DRAM2: variants seen among roughly 807,000 people sequenced by gnomAD.
DRAM2 encodes DNA damage-regulated autophagy modulator protein 2.
A neutral mutation model predicts 33.5 loss-of-function variants in DRAM2; 26 were observed. The ratio of observed to expected loss-of-function variants is 0.78; its 90% CI spans 0.57 to 1.08. The LOEUF (loss-of-function observed/expected upper bound fraction) is 1.08. Ranked by LOEUF, DRAM2 falls within the 50% of genes least tolerant of loss-of-function variation. The pLI is 0.00. For synonymous variants in DRAM2, 98 were observed against 109.5 expected (o/e 0.89, Z 0.66); for missense variants, 311 against 318.1 (o/e 0.98, Z 0.17).
chr1:111,123,215 C>A (rs1228721413), intron 6 of DRAM2, among the ~76,000 whole-genome samples: 2 of 152,092 alleles, frequency 1.3e-5, no homozygotes, highest in African/African-American at 2.4e-5. Context: ...TGTTGTTATC[C>A]TTTCATAGTA....
Position 111,120,539 on chromosome 1 carries a change from C to T in DRAM2, c.494G>A (p.Trp165Ter), listed in dbSNP as rs201422368. 302 of 1,609,018 alleles carry T rather than the reference C, an allele frequency of 1.9e-4. No individual in the cohort carries two copies. Among genetic ancestry groups the T allele is most frequent in the Non-Finnish European group, 2.5e-4 (294 of 1,177,644 alleles). Reference sequence around the variant, plus strand: ...ACTGCTAAGTGCACTTACTCCACACCAGATAACCAACAACAGTCTGATCCA... The same window carrying T: ...ACTGCTAAGTGCACTTACTCCACACTAGATAACCAACAACAGTCTGATCCA... The part of the protein sequence containing the change: ...VFWIRLLLVI[W>*]CGVSALSMLT... The change falls in exon 7 of 10, where the codon TGG (tryptophan) becomes TAG (stop). Residue 165 changes from tryptophan (W) to a stop codon, truncating the protein, a stop_gained. Coordinates refer to ENST00000484310, the MANE Select transcript of DRAM2 (RefSeq NM_001349884.2). LOFTEE classifies it high-confidence loss of function.
At chr1:111,118,732 G>A in intron 9 of DRAM2, 73 bp downstream of exon 9, 1 of 1,160,388 alleles carries the variant, frequency 8.6e-7, no homozygotes, top group South Asian at 1.5e-5. Flanking sequence ...CCTATGGAAA[G>A]TTCTCTTAGT....
intron 6 of DRAM2, among the ~76,000 whole-genome samples, chr1:111,121,727 A>C (rs1557885145): frequency 6.6e-6 from 1 of 152,114 alleles, no homozygotes; most frequent in Non-Finnish European, 1.5e-5. Flanking sequence ...CAGCAATAAG[A>C]GAATTTTTTC....
In DRAM2 at chr1:111,124,727, GGCTA is replaced by G. The variant is rs753054333; in HGVS notation, c.339+11_339+14del. On this transcript the variant is annotated intron_variant, in intron 6 of 9. Transcript: ENST00000484310. The stretch of plus-strand genomic sequence containing the variant: ...GTACTTAAGGAAAATACCTATGCTG[GGCTA>G]AAACACAAACCTGGAAGTTTGCCAC... The G allele has an allele frequency of 6.2e-7, 1 of 1,612,520 alleles. No homozygotes were observed. Among genetic ancestry groups the G allele is most frequent in the Non-Finnish European group, 8.5e-7 (1 of 1,179,322 alleles).
chr1:111,124,667 A>G lies in DRAM2; in HGVS notation c.339+75T>C, dbSNP rs1052903624. 6.7e-6 allele frequency: 10 copies of G among 1,487,196 alleles called. No individual in the cohort carries two copies. The South Asian group carries it at 1.3e-4, about 19-fold the overall frequency. 92.1% of individuals were successfully genotyped at this position (1,487,196 alleles called of 1,614,324 possible). A position where few individuals can be genotyped will look rare whatever the true frequency, so the allele number is the denominator to read the frequency against. On this transcript the variant is annotated intron_variant, in intron 6 of 9. Coordinates refer to ENST00000484310, the MANE Select transcript of DRAM2 (RefSeq NM_001349884.2). Reference sequence around the variant, plus strand: ...AGAAATAACAACAGCATGTAACTGAATGCTTCAGGTTTCCCTTTTAATATA... The same window carrying G: ...AGAAATAACAACAGCATGTAACTGAGTGCTTCAGGTTTCCCTTTTAATATA...
intron 4 of DRAM2, among the ~76,000 whole-genome samples, chr1:111,130,339 G>A (rs1651798400): frequency 6.6e-6 from 1 of 152,184 alleles, no homozygotes; most frequent in East Asian, 1.9e-4. Flanking sequence ...TCTCAAATGA[G>A]GATCATAGTT....
At chr1:111,134,094 C>T (rs987096112) in intron 3 of DRAM2, among the ~76,000 whole-genome samples, 1 of 152,186 alleles carries the variant, frequency 6.6e-6, no homozygotes. Flanking sequence ...CCTAAATACA[C>T]TCATACCCCA....
intron 9 of DRAM2, 57 bp downstream of exon 9, chr1:111,118,748 T>C (rs1447118985): frequency 1.5e-6 from 2 of 1,373,852 alleles, no homozygotes; most frequent in African/African-American, 2.9e-5. Flanking sequence ...TTAGTCTACC[T>C]TCCTGGACTA....
At chr1:111,138,644 C>T (rs1198778146) in intron 2 of DRAM2, among the ~76,000 whole-genome samples, 2 of 152,052 alleles carry the variant, frequency 1.3e-5, no homozygotes, top group Non-Finnish European at 2.9e-5. Flanking sequence ...ATTAGCTGGG[C>T]GTGGTGGCGG....
At chr1:111,138,129 G>A (rs1653634710) in intron 2 of DRAM2, among the ~76,000 whole-genome samples, 1 of 152,222 alleles carries the variant, frequency 6.6e-6, no homozygotes, top group African/African-American at 2.4e-5. Context: ...TATTAATTAT[G>A]TAGTCATAAG....
intron 6 of DRAM2, among the ~76,000 whole-genome samples, chr1:111,123,586 C>T (rs1035917508): frequency 6.6e-6 from 1 of 152,184 alleles, no homozygotes; most frequent in Non-Finnish European, 1.5e-5. Flanking sequence ...GGCCTGCCTT[C>T]ACCAAGAATC....
At chr1:111,123,286 T>C (rs1650377843) in intron 6 of DRAM2, among the ~76,000 whole-genome samples, 1 of 152,156 alleles carries the variant, frequency 6.6e-6, no homozygotes, top group Non-Finnish European at 1.5e-5. Flanking sequence ...GTCCATTTTT[T>C]CTGACCTGTG....
intron 3 of DRAM2, among the ~76,000 whole-genome samples, chr1:111,133,772 T>C (rs931579239): frequency 1.3e-5 from 2 of 152,238 alleles, no homozygotes; most frequent in Non-Finnish European, 2.9e-5. Context: ...ATATTTCTTA[T>C]AGATCTTCAA....
intron 6 of DRAM2, among the ~76,000 whole-genome samples, chr1:111,123,794 TAA>T (rs1650480092): frequency 6.6e-6 from 1 of 151,984 alleles, no homozygotes; most frequent in East Asian, 1.9e-4. Flanking sequence ...AGCTGGTTGT[TAA>T]AAAGAGACTG....
chr1:111,132,291 A>G (rs942207279), intron 3 of DRAM2, among the ~76,000 whole-genome samples: 2 of 152,216 alleles, frequency 1.3e-5, no homozygotes, highest in Admixed American at 1.3e-4. Context: ...AGGGCACAGA[A>G]GCTCCGTGCC....
intron 3 of DRAM2, among the ~76,000 whole-genome samples, chr1:111,136,769 G>A (rs1316261108): frequency 4.6e-5 from 7 of 151,838 alleles, no homozygotes; most frequent in African/African-American, 1.7e-4. Context: ...CAAAAGCCAC[G>A]TGTCACCATC....
At chr1:111,135,452 G>C (rs1325112142) in intron 3 of DRAM2, among the ~76,000 whole-genome samples, 4 of 152,162 alleles carry the variant, frequency 2.6e-5, no homozygotes, top group Admixed American at 2.6e-4. Flanking sequence ...TATTGTTGTT[G>C]TTTAACTTTT....
chr1:111,135,319 A>C lies in DRAM2; in HGVS notation c.-15+2204T>G, dbSNP rs142727118. Among the ~76,000 whole-genome samples the C allele has an allele frequency of 5.0e-3, 768 of 152,324 alleles. 5 individuals carry two copies. The highest frequency in any genetic ancestry group is 0.017 in the African/African-American group (724 of 41,572). ...GGGAGGTTACAGGGATATGAATTCT[A>C]TCTCTCTGCTTTGGGTAGAGAGCAG... On this transcript the variant is annotated intron_variant, in intron 3 of 9. Coordinates refer to ENST00000484310, the MANE Select transcript of DRAM2 (RefSeq NM_001349884.2).
rs747471623 is a variant in DRAM2, at chr1:111,122,962, G to A, written c.339+1780C>T. Among the ~76,000 whole-genome samples, 83 of 152,278 alleles carry A rather than the reference G, an allele frequency of 5.5e-4. 1 individual carries two copies. The highest frequency in any genetic ancestry group is 2.1e-3 in the South Asian group (10 of 4,830). On this transcript the variant is annotated intron_variant, in intron 6 of 9. Coordinates refer to ENST00000484310, the MANE Select transcript of DRAM2 (RefSeq NM_001349884.2). ...GTAATTGAGATAAAAGTGGAAAGGC[G>A]GCTTGTGTGGGTGCTATCAAGAACT...
Sources: allele counts gnomAD v4.1 joint callset (sites outside exome capture counted in the v4.1 genomes callset), GRCh38; gene constraint gnomAD v4.1.1; transcripts MANE v1.5; gene names NCBI Gene and HGNC (gene_info 2026-07-23, HGNC 2026-07-21).